Variants in GNG4 observed in about 807,000 individuals in gnomAD.
The protein encoded by GNG4 is guanine nucleotide-binding protein G(I)/G(S)/G(O) subunit gamma-4.
GNG4 carries 4 observed loss-of-function variants against 5.8 expected under a neutral mutation model. That is an observed-to-expected ratio of 0.69 (90% CI 0.34 to 1.57). The LOEUF is 1.57. Ranked by LOEUF, GNG4 falls within the 40% of genes most tolerant of loss-of-function variation. The pLI is 0.06. For missense variants in GNG4, 96 were observed against 95.1 expected (o/e 1.01, Z -0.04); for synonymous variants, 29 against 32.9 (o/e 0.88, Z 0.41).
intron 2 of GNG4, among the ~76,000 whole-genome samples, chr1:235,587,566 G>A (rs1344384622): frequency 5.6e-5 from 3 of 53,810 alleles, no homozygotes; most frequent in Non-Finnish European, 1.3e-4. Flanking sequence ...GTGAATGTGG[G>A]AGGGTGTGGG....
intron 2 of GNG4, among the ~76,000 whole-genome samples, chr1:235,587,579 GGCGGTGAGTGTGAGTGTGGGAGGGCAT>G (rs1687830014): frequency 5.8e-5 from 3 of 51,778 alleles, no homozygotes; most frequent in Non-Finnish European, 1.8e-4. Flanking sequence ...GGTGTGGGGT[GGCGGTGAGTGTGAGTGTGGGAGGGCAT>G]GGGGTGGGGT....
intron 3 of GNG4, among the ~76,000 whole-genome samples, chr1:235,578,149 A>C (rs1687532007): frequency 6.6e-6 from 1 of 152,144 alleles, no homozygotes; most frequent in African/African-American, 2.4e-5. Flanking sequence ...TGTGAGCTTC[A>C]TACTCATTAG....
intron 1 of GNG4, among the ~76,000 whole-genome samples, chr1:235,610,017 C>T (rs913989909): frequency 2.6e-5 from 4 of 152,140 alleles, no homozygotes; most frequent in African/African-American, 9.7e-5. Flanking sequence ...ATTATTGATA[C>T]GTTACCATCA....
chr1:235,618,660 G>GT (rs1280912368), intron 1 of GNG4, among the ~76,000 whole-genome samples: 1,686 of 139,866 alleles, frequency 0.012, 27 homozygotes, highest in African/African-American at 0.031. Context: ...TAATCTTTTT[G>GT]TTTTTTTTTT....
At chr1:235,563,302 A>G (rs1037524424) in intron 3 of GNG4, among the ~76,000 whole-genome samples, 2 of 145,602 alleles carry the variant, frequency 1.4e-5, no homozygotes, top group Non-Finnish European at 3.0e-5. Flanking sequence ...GCGCACCTGT[A>G]GTCCCAGCTA....
In GNG4 at chr1:235,551,674, T is replaced by C. The variant is rs1447666167; in HGVS notation, c.*435A>G. On this transcript the variant is annotated 3_prime_UTR_variant, in exon 4 of 4. Coordinates refer to ENST00000391854, the MANE Select transcript of GNG4 (RefSeq NM_001098722.2). Reference sequence around the variant, plus strand: ...CAGCTGCTTTCTCCAGGAAAGGAGATGAAAACGTTATATGTTTCAGTTGGT... The same window carrying C: ...CAGCTGCTTTCTCCAGGAAAGGAGACGAAAACGTTATATGTTTCAGTTGGT... 6.5e-6 allele frequency: 1 copy of C among 153,076 alleles called. No homozygotes were observed. The highest frequency in any genetic ancestry group is 2.4e-5 in the African/African-American group (1 of 41,418). The allele number at this position is 153,076 out of a possible 1,614,324, so 9.5% of individuals were successfully genotyped here.
intron 1 of GNG4, among the ~76,000 whole-genome samples, chr1:235,598,257 A>T (rs529994611): frequency 4.6e-5 from 7 of 152,198 alleles, no homozygotes; most frequent in Non-Finnish European, 8.8e-5. Context: ...ACTGCTCTAT[A>T]GGCAACCAGA....
At chr1:235,591,498 C>G (rs1469521425) in intron 2 of GNG4, among the ~76,000 whole-genome samples, 1 of 152,222 alleles carries the variant, frequency 6.6e-6, no homozygotes, top group Non-Finnish European at 1.5e-5. Flanking sequence ...CTTCCCCTAC[C>G]TGGCCAGGTA....
rs1657440183 is a variant in GNG4 at position 235,644,333 on chromosome 1, C to T, written c.-123+5329G>A. 6.6e-6 allele frequency among the ~76,000 whole-genome samples: 1 copy of T among 152,204 alleles called. No homozygotes were observed. The highest frequency in any genetic ancestry group is 2.1e-4 in the South Asian group (1 of 4,822). ...CAACACTGCCAGTTCCCCTTTATTT[C>T]CCTTGAGGTCAACATTTTGGAATTT... On this transcript the variant is annotated intron_variant, in intron 1 of 3. Coordinates refer to ENST00000391854, the MANE Select transcript of GNG4 (RefSeq NM_001098722.2). This position sits in a 1 kb window ranked among gnomAD's most constrained non-coding sequence, Gnocchi z 5.9.
At chr1:235,646,035 G>A (rs1475734464) in intron 1 of GNG4, among the ~76,000 whole-genome samples, 3 of 152,072 alleles carry the variant, frequency 2.0e-5, no homozygotes, top group South Asian at 2.1e-4. Context: ...CTGTTGTCCC[G>A]CCTCATGCAC....
intron 3 of GNG4, among the ~76,000 whole-genome samples, chr1:235,559,019 T>G (rs946085647): frequency 8.5e-5 from 13 of 152,328 alleles, no homozygotes; most frequent in Admixed American, 7.8e-4. Flanking sequence ...ATTACTATAG[T>G]CACATTCCAT....
At chr1:235,605,784 G>GGTC (rs1688344443) in intron 1 of GNG4, among the ~76,000 whole-genome samples, 1 of 151,978 alleles carries the variant, frequency 6.6e-6, no homozygotes, top group Admixed American at 6.6e-5. Context: ...AACCCTGGGT[G>GGTC]GTCCCTTATT....
At chr1:235,615,751 AG>A in intron 1 of GNG4, 13 of 252,762 alleles carry the variant, frequency 5.1e-5, no homozygotes, top group South Asian at 2.1e-4. Flanking sequence ...CACCAGGAGG[AG>A]GGGGGTGATG....
intron 3 of GNG4, among the ~76,000 whole-genome samples, chr1:235,557,218 G>A (rs1480845489): frequency 2.0e-5 from 3 of 152,080 alleles, no homozygotes; most frequent in Admixed American, 6.6e-5. Context: ...ATACTCAGCC[G>A]CTATACTACA....
At chr1:235,601,897 GGTC>G (rs1339304820) in intron 1 of GNG4, among the ~76,000 whole-genome samples, 1 of 152,050 alleles carries the variant, frequency 6.6e-6, no homozygotes, top group Non-Finnish European at 1.5e-5. Flanking sequence ...CTCCAGGTGT[GGTC>G]CCTGGACCGG....
intron 1 of GNG4, among the ~76,000 whole-genome samples, chr1:235,624,733 G>A (rs1162955094): frequency 6.6e-6 from 1 of 152,144 alleles, no homozygotes; most frequent in African/African-American, 2.4e-5. Context: ...CTTCCTATGA[G>A]ATTTTTTTAG....
intron 3 of GNG4, among the ~76,000 whole-genome samples, chr1:235,565,556 G>A (rs1048073759): frequency 1.1e-4 from 17 of 152,162 alleles, no homozygotes; most frequent in Admixed American, 6.5e-5. Context: ...ATATGGCAGT[G>A]ACTAGAAGAT....
At chr1:235,602,536 G>A (rs1420865398) in intron 1 of GNG4, among the ~76,000 whole-genome samples, 1 of 152,184 alleles carries the variant, frequency 6.6e-6, no homozygotes, top group Non-Finnish European at 1.5e-5. Flanking sequence ...GGTCACAGCA[G>A]CTTTGCATCT....
intron 2 of GNG4, among the ~76,000 whole-genome samples, chr1:235,593,525 C>T (rs576346892): frequency 6.6e-6 from 1 of 152,190 alleles, no homozygotes; most frequent in Non-Finnish European, 1.5e-5. Context: ...CAGCTGGGTC[C>T]GGAATTGGTG....
Sources: gnomAD v4.1 joint callset for allele counts (sites outside exome capture counted in the v4.1 genomes callset) on GRCh38, gnomAD v4.1.1 for gene constraint, Gnocchi (gnomAD v3.1) non-coding constraint, MANE v1.5 for transcripts, NCBI Gene and HGNC (gene_info 2026-07-23, HGNC 2026-07-21) for gene names.